PLXDC2: variants seen among roughly 807,000 people sequenced by gnomAD.
PLXDC2 encodes plexin domain-containing protein 2.
A neutral mutation model predicts 68.9 loss-of-function variants in PLXDC2; 40 were observed. That is an observed-to-expected ratio of 0.58 (90% CI 0.45 to 0.76). The LOEUF (loss-of-function observed/expected upper bound fraction) is 0.76, where lower values mean the gene tolerates loss of function less well. Ranked by LOEUF, PLXDC2 falls within the 30% of genes least tolerant of loss-of-function variation. The pLI is 0.00. For synonymous variants in PLXDC2, 243 were observed against 234.2 expected, an observed-to-expected ratio of 1.04 and a Z score of -0.34; for missense variants, 644 against 661.9, an observed-to-expected ratio of 0.97 and a Z score of 0.30.
At chr10:19,817,726 AG>A (rs1836381783) in intron 1 of PLXDC2, among the ~76,000 whole-genome samples, 1 of 152,088 alleles carries the variant, frequency 6.6e-6, no homozygotes, top group Non-Finnish European at 1.5e-5. Context: ...GGGCGCTGGA[AG>A]GGGGGCGGGG....
intron 2 of PLXDC2, among the ~76,000 whole-genome samples, chr10:20,045,859 TA>T (rs1194420208): frequency 1.3e-5 from 2 of 152,128 alleles, no homozygotes; most frequent in Non-Finnish European, 2.9e-5. Flanking sequence ...TTCATGGTTA[TA>T]AAACATTGCA....
chr10:19,858,162 G>C (rs1246115617), intron 1 of PLXDC2, among the ~76,000 whole-genome samples: 4 of 152,170 alleles, frequency 2.6e-5, no homozygotes, highest in African/African-American at 9.7e-5. Flanking sequence ...GTTTAGAGTT[G>C]CTGATTTCTG....
In PLXDC2 at chr10:19,965,724, G is replaced by T. The variant is rs796615156; in HGVS notation, c.113-36051G>T. On this transcript the variant is annotated intron_variant, in intron 1 of 13. Coordinates refer to ENST00000377252, the MANE Select transcript of PLXDC2 (RefSeq NM_032812.9). ...TCTGGAAAACAGTTTTTTTTGGGGG[G>T]GGGGGTTACATAATTCAATGAAAGT... Among the ~76,000 whole-genome samples the T allele has an allele frequency of 9.4e-3, 1,396 of 147,936 alleles. 26 individuals carry two copies. The highest frequency in any genetic ancestry group is 0.033 in the African/African-American group (1,320 of 40,542).
intron 2 of PLXDC2, among the ~76,000 whole-genome samples, chr10:20,013,500 T>G (rs752448309): frequency 2.0e-5 from 3 of 152,184 alleles, no homozygotes; most frequent in Non-Finnish European, 4.4e-5. Flanking sequence ...TGATTCTCGG[T>G]TTTTTTCCTA....
intron 1 of PLXDC2, among the ~76,000 whole-genome samples, chr10:19,883,317 A>G (rs1416576958): frequency 6.6e-6 from 1 of 152,184 alleles, no homozygotes; most frequent in Non-Finnish European, 1.5e-5. Flanking sequence ...TTTATATGGA[A>G]TAGTGAAAAG....
At chr10:20,105,148 G>A (rs1394805347) in intron 4 of PLXDC2, among the ~76,000 whole-genome samples, 1 of 151,932 alleles carries the variant, frequency 6.6e-6, no homozygotes, top group Non-Finnish European at 1.5e-5. Flanking sequence ...AAGGAACAAG[G>A]TGATGCTTAT....
chr10:19,952,285 C>A (rs550203175), intron 1 of PLXDC2, among the ~76,000 whole-genome samples: 1 of 152,298 alleles, frequency 6.6e-6, no homozygotes, highest in East Asian at 1.9e-4. Flanking sequence ...GGCTACTTAA[C>A]AGCAGCTGTT....
At chr10:19,955,728 C>T (rs996682444) in intron 1 of PLXDC2, among the ~76,000 whole-genome samples, 4 of 152,098 alleles carry the variant, frequency 2.6e-5, no homozygotes, top group African/African-American at 9.7e-5. Flanking sequence ...GTTTTCTGTT[C>T]CCACACTGGA....
At chr10:20,107,090 C>CTA (rs1426157981) in intron 4 of PLXDC2, among the ~76,000 whole-genome samples, 1 of 147,824 alleles carries the variant, frequency 6.8e-6, no homozygotes, top group South Asian at 2.1e-4. Flanking sequence ...TATATATACA[C>CTA]TATATATATA....
chr10:20,186,832 T>C (rs1834691218), intron 9 of PLXDC2, among the ~76,000 whole-genome samples: 1 of 151,974 alleles, frequency 6.6e-6, no homozygotes, highest in Non-Finnish European at 1.5e-5. Context: ...GGCATTTACA[T>C]TGATTTCACG....
chr10:20,244,210 C>T (rs1425819208), intron 12 of PLXDC2, among the ~76,000 whole-genome samples: 19 of 152,148 alleles, frequency 1.2e-4, no homozygotes, highest in Admixed American at 1.2e-3. Flanking sequence ...CTGTATCTTA[C>T]AATTATACTG....
At position 19,931,171 on chromosome 10, in the gene PLXDC2, A is replaced by G. The variant is rs540359323; in HGVS notation, c.113-70604A>G. 3.3e-5 allele frequency among the ~76,000 whole-genome samples: 5 copies of G among 152,342 alleles called. No individual in the cohort carries two copies. In the South Asian group the frequency reaches 1.0e-3, roughly 32 times the overall value. On this transcript the variant is annotated intron_variant, in intron 1 of 13. Coordinates refer to ENST00000377252, the MANE Select transcript of PLXDC2 (RefSeq NM_032812.9). ...TGAAGAGTACAAATGCATGGCAGGA[A>G]AAAGGTTTTCAAGGCATGATCGGTT...
chr10:19,911,322 T>A (rs1833267592), intron 1 of PLXDC2, among the ~76,000 whole-genome samples: 2 of 152,158 alleles, frequency 1.3e-5, no homozygotes, highest in South Asian at 4.1e-4. Context: ...TTTACCCTTC[T>A]AGGTATATTT....
chr10:20,178,010 G>A (rs542300619), intron 9 of PLXDC2, among the ~76,000 whole-genome samples: 3 of 152,002 alleles, frequency 2.0e-5, no homozygotes, highest in African/African-American at 4.8e-5. Flanking sequence ...AGCAGTTGAT[G>A]AGCCTATAAA....
intron 1 of PLXDC2, among the ~76,000 whole-genome samples, chr10:19,825,520 A>G (rs1232623820): frequency 1.3e-5 from 2 of 152,198 alleles, no homozygotes; most frequent in Non-Finnish European, 2.9e-5. Flanking sequence ...AACATTGAAC[A>G]TTCGATAATG....
At chr10:19,894,637 A>G (rs1303850448) in intron 1 of PLXDC2, among the ~76,000 whole-genome samples, 1 of 152,202 alleles carries the variant, frequency 6.6e-6, no homozygotes, top group Non-Finnish European at 1.5e-5. Context: ...CATCAGCACT[A>G]TCAGGTTTTT....
At chr10:19,960,840 A>G (rs1311084147) in intron 1 of PLXDC2, among the ~76,000 whole-genome samples, 1 of 152,234 alleles carries the variant, frequency 6.6e-6, no homozygotes, top group Non-Finnish European at 1.5e-5. Context: ...TGCTATTTGC[A>G]TAATCAATTG....
intron 3 of PLXDC2, among the ~76,000 whole-genome samples, chr10:20,056,775 G>A (rs879934681): frequency 1.1e-4 from 16 of 152,020 alleles, no homozygotes; most frequent in Non-Finnish European, 1.8e-4. Flanking sequence ...TGGAGGATGA[G>A]CACCATTCTT....
intron 4 of PLXDC2, among the ~76,000 whole-genome samples, chr10:20,130,998 A>G (rs1833859835): frequency 6.6e-6 from 1 of 152,126 alleles, no homozygotes; most frequent in Non-Finnish European, 1.5e-5. Context: ...ATGAGAAAAG[A>G]GTTTGCAAGT....
Sources: gnomAD v4.1 joint callset for allele counts (sites outside exome capture counted in the v4.1 genomes callset) on GRCh38, gnomAD v4.1.1 for gene constraint, MANE v1.5 for transcripts, NCBI Gene and HGNC (gene_info 2026-07-23, HGNC 2026-07-21) for gene names.